The following TET1 variants were observed in gnomAD, a reference collection of about 807,000 sequenced individuals.
The protein encoded by TET1 is methylcytosine dioxygenase TET1.
Under a neutral mutation model 148.7 loss-of-function variants are expected in TET1, and 13 were observed. That is an observed-to-expected ratio of 0.09 (90% CI 0.06 to 0.14). The LOEUF (loss-of-function observed/expected upper bound fraction) is 0.14, where lower values mean the gene tolerates loss of function less well. Among genes scored for constraint, TET1 ranks in the 10% least tolerant of loss-of-function variants. TET1 has a pLI of 1.00. For missense variants in TET1, 2,182 were observed against 2,553.8 expected (o/e 0.85, Z 3.14); for synonymous variants, 907 against 937.2 (o/e 0.97, Z 0.59).
chr10:68,603,139 A>G (rs546114121), intron 3 of TET1, among the ~76,000 whole-genome samples: 1 of 152,316 alleles, frequency 6.6e-6, no homozygotes, highest in South Asian at 2.1e-4. Flanking sequence ...TGGGAATCTC[A>G]CAGTTTATGA....
chr10:68,651,773 A>C, intron 4 of TET1, 73 bp from the exon 5 acceptor site: 1 of 1,117,540 alleles, frequency 8.9e-7, no homozygotes, highest in Non-Finnish European at 1.3e-6. Flanking sequence ...AACAAAAAGT[A>C]TAAAAGTAGC....
intron 2 of TET1, among the ~76,000 whole-genome samples, chr10:68,591,551 A>G (rs78585699): frequency 0.028 from 4,335 of 152,282 alleles, 192 homozygotes; most frequent in African/African-American, 0.099. Context: ...GAGTAAATGA[A>G]TTTAGAAACT....
chr10:68,560,845 TG>T (rs1426090939), intron 1 of TET1, 103 bp downstream of exon 1: 2 of 152,432 alleles, frequency 1.3e-5, no homozygotes, highest in East Asian at 1.9e-4. Context: ...GGGCTGGATG[TG>T]GCCGGGGCTC....
intron 3 of TET1, among the ~76,000 whole-genome samples, chr10:68,641,486 T>G (rs866438262): frequency 0.053 from 8,093 of 151,382 alleles, 711 homozygotes; most frequent in African/African-American, 0.18. Context: ...ATTTATTTAT[T>G]TATTTATTTA....
At chr10:68,616,423 G>A (rs934034626) in intron 3 of TET1, among the ~76,000 whole-genome samples, 21 of 152,316 alleles carry the variant, frequency 1.4e-4, no homozygotes, top group African/African-American at 4.6e-4. Context: ...CTGCAGCATC[G>A]TATCTGGAGA....
intron 3 of TET1, among the ~76,000 whole-genome samples, chr10:68,643,812 GA>G (rs1009574299): frequency 2.0e-5 from 3 of 150,652 alleles, no homozygotes; most frequent in Non-Finnish European, 3.0e-5. Context: ...GACCCCGTCT[GA>G]AAAAAAATAA....
intron 3 of TET1, among the ~76,000 whole-genome samples, chr10:68,605,483 T>C (rs890744299): frequency 6.6e-6 from 1 of 152,096 alleles, no homozygotes; most frequent in Admixed American, 6.6e-5. Context: ...TACTTAACAT[T>C]CCCATCATTT....
At chr10:68,660,432 T>C (rs2055089767) in intron 6 of TET1, among the ~76,000 whole-genome samples, 1 of 148,000 alleles carries the variant, frequency 6.8e-6, no homozygotes, top group Non-Finnish European at 1.5e-5. Context: ...CACCATCTCC[T>C]GGTTTCAAGC....
intron 3 of TET1, among the ~76,000 whole-genome samples, chr10:68,610,707 G>T (rs1159118518): frequency 6.6e-6 from 1 of 152,114 alleles, no homozygotes; most frequent in East Asian, 1.9e-4. Context: ...ACCCAGGCTA[G>T]AGTGTAGTGG....
Position 68,690,995 on chromosome 10 carries a change from T to C in TET1, c.5592T>C (p.Asn1864=). Residue 1864 remains asparagine (N), a synonymous_variant, in exon 12 of 12, where the codon AAT becomes AAC. Coordinates refer to ENST00000373644, the MANE Select transcript of TET1 (RefSeq NM_030625.3). ...TASATPAPLK[N]DATASCGFSE... Reference sequence around the variant, plus strand: ...CAGCCACACCAGCTCCACTGAAGAATGACGCAACAGCCTCATGCGGGTTTT... The same window carrying C: ...CAGCCACACCAGCTCCACTGAAGAACGACGCAACAGCCTCATGCGGGTTTT... 6.2e-7 allele frequency: 1 copy of C among 1,614,248 alleles called. No homozygotes were observed. Among genetic ancestry groups the C allele is most frequent in the Non-Finnish European group, 8.5e-7 (1 of 1,180,048 alleles).
chr10:68,597,908 G>T (rs1188894222), intron 2 of TET1, among the ~76,000 whole-genome samples: 1 of 152,180 alleles, frequency 6.6e-6, no homozygotes, highest in Non-Finnish European at 1.5e-5. Context: ...GGTACTTAGA[G>T]TAGTCCATTT....
intron 6 of TET1, among the ~76,000 whole-genome samples, chr10:68,661,816 A>ACACACAC: frequency 9.7e-6 from 1 of 103,192 alleles, no homozygotes; most frequent in Non-Finnish European, 1.9e-5. Context: ...CTTTGTTAAA[A>ACACACAC]AAACACACAC....
chr10:68,608,511 A>G (rs1289087480), intron 3 of TET1, among the ~76,000 whole-genome samples: 1 of 152,078 alleles, frequency 6.6e-6, no homozygotes, highest in East Asian at 1.9e-4. Context: ...CTGGGATTAT[A>G]GGCGTGAGCC....
chr10:68,579,081 T>C (rs1051894083), intron 2 of TET1, among the ~76,000 whole-genome samples: 1 of 152,174 alleles, frequency 6.6e-6, no homozygotes, highest in Non-Finnish European at 1.5e-5. Flanking sequence ...ACGTCACACA[T>C]GTGGGAATAG....
chr10:68,576,972 G>A (rs1341730046), intron 2 of TET1, among the ~76,000 whole-genome samples: 4 of 151,628 alleles, frequency 2.6e-5, no homozygotes, highest in Admixed American at 2.6e-4. Flanking sequence ...GCAGTGGCGC[G>A]ATCTCGGCTC....
chr10:68,616,711 C>CT lies in TET1; in HGVS notation c.1968+15691dup, dbSNP rs769000327. ...TAAGTATGCCCAGATAATATTTAAA[C>CT]TTTTTTTTTTTTTTGAGACGGAGTC... On this transcript the variant is annotated intron_variant, in intron 3 of 11. Coordinates refer to ENST00000373644, the MANE Select transcript of TET1 (RefSeq NM_030625.3). 5.3e-3 allele frequency among the ~76,000 whole-genome samples: 762 copies of CT among 144,828 alleles called. 3 individuals are homozygous for CT. Among genetic ancestry groups the CT allele is most frequent in the African/African-American group, 0.013 (529 of 39,762 alleles).
chr10:68,635,451 T>C (rs1364711913), intron 3 of TET1, among the ~76,000 whole-genome samples: 1 of 151,940 alleles, frequency 6.6e-6, no homozygotes, highest in East Asian at 1.9e-4. Flanking sequence ...CAACCTACAG[T>C]TTATAGGAAT....
Position 68,595,951 on chromosome 10 carries a change from TATATATATATACAC to T in TET1, c.1915-5028_1915-5015del, listed in dbSNP as rs1349369962. On this transcript the variant is annotated intron_variant, in intron 2 of 11. Coordinates refer to ENST00000373644, the MANE Select transcript of TET1 (RefSeq NM_030625.3). The stretch of plus-strand genomic sequence containing the variant: ...ATATATATATATATATATATATATA[TATATATATATACAC>T]ACACACACACACATATATACACACA... 1.6e-3 allele frequency among the ~76,000 whole-genome samples: 51 copies of T among 31,940 alleles called. 1 individual carries two copies. Among genetic ancestry groups the T allele is most frequent in the African/African-American group, 3.8e-3 (44 of 11,604 alleles). 21.0% of individuals were successfully genotyped at this position (31,940 alleles called of 152,430 possible).
chr10:68,632,462 G>C, intron 3 of TET1: 1 of 1,612,584 alleles, frequency 6.2e-7, no homozygotes, highest in South Asian at 1.1e-5. Flanking sequence ...CCCTGCGCCC[G>C]GCATTCAATA....
Sources: allele counts gnomAD v4.1 joint callset (sites outside exome capture counted in the v4.1 genomes callset), GRCh38; gene constraint gnomAD v4.1.1; transcripts MANE v1.5; gene names NCBI Gene and HGNC (gene_info 2026-07-23, HGNC 2026-07-21).